Variants in KCNH7 observed in about 807,000 individuals in gnomAD.
KCNH7 encodes potassium voltage-gated channel subfamily H member 7, also known as voltage-gated inwardly rectifying potassium channel KCNH7.
In KCNH7, 49 loss-of-function variants were observed where a neutral mutation model predicts 120.8. The ratio of observed to expected loss-of-function variants is 0.41; its 90% CI spans 0.32 to 0.51. KCNH7 has a LOEUF of 0.51. KCNH7 is among the 20% of genes least tolerant of loss of function. The pLI is 0.38. For missense variants in KCNH7, 1,097 were observed against 1,446.6 expected (o/e 0.76, Z 3.92); for synonymous variants, 547 against 516.1 (o/e 1.06, Z -0.81).
intron 2 of KCNH7, among the ~76,000 whole-genome samples, chr2:162,759,808 T>C (rs1006394392): frequency 2.0e-5 from 3 of 152,060 alleles, no homozygotes; most frequent in Non-Finnish European, 4.4e-5. Context: ...TTTGAAACAA[T>C]GTAAATGTCA....
intron 2 of KCNH7, among the ~76,000 whole-genome samples, chr2:162,595,872 G>A (rs183268493): frequency 3.3e-5 from 5 of 149,878 alleles, no homozygotes; most frequent in South Asian, 2.2e-4. Context: ...GTAAAATCAC[G>A]GGTTACAAAA....
chr2:162,836,499 G>A, intron 2 of KCNH7, 38 bp downstream of exon 2: 1 of 1,521,028 alleles, frequency 6.6e-7, no homozygotes, highest in Non-Finnish European at 9.1e-7. Context: ...CTTTTCAATG[G>A]GATCAAATAG....
rs764886890 is a variant in KCNH7, at chr2:162,536,998, T to C, written c.390A>G (p.Glu130=). Residue 130 remains glutamate, a synonymous_variant, in exon 3 of 16, where the codon GAA becomes GAG. Transcript: ENST00000332142. Reference sequence around the variant, plus strand: ...CAGCGTTTTCATTATCCGTCACATATTCAAAATTAATGATGAACATCATAG... The same window carrying C: ...CAGCGTTTTCATTATCCGTCACATACTCAAAATTAATGATGAACATCATAG... ...GVAMMFIINF[E]YVTDNENAAT... The C allele has an allele frequency of 3.1e-6, 5 of 1,612,884 alleles. No homozygotes were observed. The highest frequency in any genetic ancestry group is 4.2e-6 in the Non-Finnish European group (5 of 1,179,138).
chr2:162,483,254 C>G (rs566234810), intron 6 of KCNH7, among the ~76,000 whole-genome samples: 2 of 152,070 alleles, frequency 1.3e-5, no homozygotes, highest in Admixed American at 6.6e-5. Flanking sequence ...TACCTTAGAC[C>G]AATTATTTCA....
chr2:162,546,634 G>A (rs779596414), intron 2 of KCNH7, among the ~76,000 whole-genome samples: 17 of 152,126 alleles, frequency 1.1e-4, no homozygotes, highest in Admixed American at 5.2e-4. Context: ...CATGATGTCC[G>A]TATGACTGTC....
At chr2:162,738,225 C>CAT (rs935921220) in intron 2 of KCNH7, among the ~76,000 whole-genome samples, 1 of 151,732 alleles carries the variant, frequency 6.6e-6, no homozygotes, top group Non-Finnish European at 1.5e-5. Flanking sequence ...TGTGTGTGTG[C>CAT]ATATATATAT....
intron 2 of KCNH7, among the ~76,000 whole-genome samples, chr2:162,546,468 G>T (rs1486367146): frequency 6.6e-6 from 1 of 152,108 alleles, no homozygotes; most frequent in African/African-American, 2.4e-5. Context: ...ACACTGAACT[G>T]ACTGAGCTTA....
chr2:162,647,572 C>A (rs894875375), intron 2 of KCNH7, among the ~76,000 whole-genome samples: 2 of 152,116 alleles, frequency 1.3e-5, no homozygotes, highest in Admixed American at 1.3e-4. Context: ...TGGTTTCCCC[C>A]ATACTGTTCT....
Position 162,435,323 on chromosome 2 carries a change from A to G in KCNH7, c.1829T>C (p.Ile610Thr). The change falls in exon 8 of 16, where the codon ATT (isoleucine) becomes ACT (threonine). Residue 610 changes from isoleucine (I) to threonine (T), a missense_variant. Transcript: ENST00000332142. The part of the protein sequence containing the change: ...NDSDSSSGPS[I>T]KDKYVTALYF... ...AAGTGCTGTGACGTATTTGTCTTTA[A>G]TGGATGGTCCAGAACTTGAGTCACT... 1 of 1,613,930 alleles carries G rather than the reference A, an allele frequency of 6.2e-7. No homozygotes were observed. Among genetic ancestry groups the G allele is most frequent in the South Asian group, 1.1e-5 (1 of 91,084 alleles).
chr2:162,801,246 T>C (rs1257353346), intron 2 of KCNH7, among the ~76,000 whole-genome samples: 1 of 146,234 alleles, frequency 6.8e-6, no homozygotes, highest in African/African-American at 2.5e-5. Flanking sequence ...ATTTAAAGTA[T>C]GAAAAAGACA....
At chr2:162,468,796 C>T (rs1315620247) in intron 6 of KCNH7, among the ~76,000 whole-genome samples, 1 of 151,820 alleles carries the variant, frequency 6.6e-6, no homozygotes, top group Non-Finnish European at 1.5e-5. Flanking sequence ...ATCCGCCCGC[C>T]TAGGCCTCCC....
chr2:162,805,560 C>A (rs1684509519), intron 2 of KCNH7, among the ~76,000 whole-genome samples: 1 of 151,782 alleles, frequency 6.6e-6, no homozygotes, highest in African/African-American at 2.4e-5. Flanking sequence ...CAAGAATGGC[C>A]ATTATTAAGA....
chr2:162,720,095 C>T lies in KCNH7; in HGVS notation c.307+116442G>A, dbSNP rs144711371. On this transcript the variant is annotated intron_variant, in intron 2 of 15. Transcript: ENST00000332142. ...CACGAATCAAGTATTTTTACTTGCACACTTCATGCTGAATCCAACTGGATT... is the reference window on the plus strand; with the variant it reads ...CACGAATCAAGTATTTTTACTTGCATACTTCATGCTGAATCCAACTGGATT... Among the ~76,000 whole-genome samples, 413 of 152,038 alleles carry T rather than the reference C, an allele frequency of 2.7e-3. 1 individual carries two copies. The highest frequency in any genetic ancestry group is 9.5e-3 in the African/African-American group (393 of 41,522).
intron 2 of KCNH7, among the ~76,000 whole-genome samples, chr2:162,820,615 TTTTC>T (rs765337630): frequency 1.3e-5 from 2 of 152,102 alleles, no homozygotes; most frequent in African/African-American, 2.4e-5. Flanking sequence ...CTAACTTGTG[TTTTC>T]TTTCTTTCTT....
At chr2:162,466,006 T>G (rs1210166035) in intron 6 of KCNH7, among the ~76,000 whole-genome samples, 2 of 152,354 alleles carry the variant, frequency 1.3e-5, no homozygotes, top group East Asian at 3.9e-4. Flanking sequence ...ATCTCATCTG[T>G]GTACTGCCTT....
intron 2 of KCNH7, among the ~76,000 whole-genome samples, chr2:162,663,909 C>T (rs560909706): frequency 8.5e-5 from 13 of 152,162 alleles, no homozygotes; most frequent in Non-Finnish European, 1.8e-4. Context: ...CACTGCCTTA[C>T]TGCAGAAACC....
intron 2 of KCNH7, among the ~76,000 whole-genome samples, chr2:162,682,849 C>G (rs1685760309): frequency 6.6e-6 from 1 of 151,634 alleles, no homozygotes; most frequent in African/African-American, 2.4e-5. Context: ...CATGGAGAAC[C>G]ATAATTTCCT....
At chr2:162,531,932 T>A (rs765537219) in intron 3 of KCNH7, among the ~76,000 whole-genome samples, 1 of 151,938 alleles carries the variant, frequency 6.6e-6, no homozygotes, top group Non-Finnish European at 1.5e-5. Flanking sequence ...TATACGCATA[T>A]TTTTCTATCT....
At chr2:162,721,323 A>G (rs549772111) in intron 2 of KCNH7, among the ~76,000 whole-genome samples, 3 of 152,326 alleles carry the variant, frequency 2.0e-5, no homozygotes, top group Non-Finnish European at 2.9e-5. Flanking sequence ...AAAATCAGCT[A>G]TTGTGGGTCA....
Sources: allele counts gnomAD v4.1 joint callset (sites outside exome capture counted in the v4.1 genomes callset), GRCh38; gene constraint gnomAD v4.1.1; transcripts MANE v1.5; gene names NCBI Gene and HGNC (gene_info 2026-07-23, HGNC 2026-07-21).